Variants in AASS observed in about 807,000 individuals in gnomAD.
The protein encoded by AASS is alpha-aminoadipic semialdehyde synthase, mitochondrial.
In AASS, 86 loss-of-function variants were observed where a neutral mutation model predicts 105.4. The observed-to-expected ratio is 0.82, with a 90% CI of 0.69 to 0.98. AASS has a LOEUF of 0.98. Among genes scored for constraint, AASS ranks in the 50% least tolerant of loss-of-function variants. AASS has a pLI of 0.00. For missense variants in AASS, 1,048 were observed against 1,143.2 expected (o/e 0.92, Z 1.20); for synonymous variants, 381 against 394.8 (o/e 0.96, Z 0.41).
intron 17 of AASS, among the ~76,000 whole-genome samples, chr7:122,092,238 T>A: frequency 6.6e-6 from 1 of 151,946 alleles, no homozygotes; most frequent in East Asian, 1.9e-4. Context: ...CACCCAATAG[T>A]ACCTCGCCAA....
intron 2 of AASS, among the ~76,000 whole-genome samples, chr7:122,132,078 T>A (rs1795942269): frequency 1.3e-5 from 2 of 152,200 alleles, no homozygotes; most frequent in South Asian, 4.1e-4. Context: ...CAGTTCACTG[T>A]AATAAAACAG....
rs575579841 is a variant in AASS, at chr7:122,086,158, T to C, written c.2038A>G (p.Ile680Val). 11 of 1,613,304 alleles carry C rather than the reference T, an allele frequency of 6.8e-6. No homozygotes were observed. The highest frequency in any genetic ancestry group is 9.3e-6 in the Non-Finnish European group (11 of 1,179,752). ...DGKVVNVAGG[I>V]SFLDAVTSMD... Reference sequence around the variant, plus strand: ...GACGTAACGGCATCAAGAAAGGAGATGCCTCCTGCAACATTCACAACCTGA... The same window carrying C: ...GACGTAACGGCATCAAGAAAGGAGACGCCTCCTGCAACATTCACAACCTGA... Residue 680 changes from isoleucine (I) to valine (V), a missense_variant, in exon 19 of 24, where the codon ATC becomes GTC. Transcript: ENST00000417368.
In AASS at chr7:122,098,557, T is replaced by C; in HGVS notation, c.1548A>G (p.Gln516=). 6.2e-7 allele frequency: 1 copy of C among 1,609,646 alleles called. No individual in the cohort carries two copies. Among genetic ancestry groups the C allele is most frequent in the South Asian group, 1.1e-5 (1 of 90,920 alleles). ...EITVGSDMKN[Q]IEQLGKKYNI... ...TATATTTCTTGCCTAACTGTTCAAT[T>C]TGATTCTTCATGTCAGATCCTATTT... Residue 516 remains glutamine (Q), a synonymous_variant, in exon 15 of 24, where the codon CAA becomes CAG. Coordinates refer to ENST00000417368, the MANE Select transcript of AASS (RefSeq NM_005763.4).
chr7:122,114,125 G>A (rs991193482), intron 9 of AASS, among the ~76,000 whole-genome samples: 8 of 152,128 alleles, frequency 5.3e-5, no homozygotes, highest in Middle Eastern at 3.4e-3. Context: ...CTAGAATTAC[G>A]AACAAAAGTT....
rs548877455 is a variant in AASS, at chr7:122,134,701, G to A, written c.-15-960C>T. The stretch of plus-strand genomic sequence containing the variant: ...ACCTGTGTAAACTAGTTCAACCATT[G>A]TGGAAGACAATGTGGCGATTCCTCA... On this transcript the variant is annotated intron_variant, in intron 1 of 23. Coordinates refer to ENST00000417368, the MANE Select transcript of AASS (RefSeq NM_005763.4). Among the ~76,000 whole-genome samples, 62 of 152,290 alleles carry A rather than the reference G, an allele frequency of 4.1e-4. 2 individuals carry two copies. In the South Asian group the frequency reaches 0.013, roughly 32 times the overall value.
At chr7:122,117,281 G>A (rs1795226153) in intron 6 of AASS, among the ~76,000 whole-genome samples, 1 of 152,100 alleles carries the variant, frequency 6.6e-6, no homozygotes, top group South Asian at 2.1e-4. Context: ...TATTTCAAAT[G>A]GGGAAATTAT....
chr7:122,099,082 A>G (rs1794310694), intron 13 of AASS, among the ~76,000 whole-genome samples: 1 of 151,870 alleles, frequency 6.6e-6, no homozygotes, highest in African/African-American at 2.4e-5. Flanking sequence ...AATGAAGAAC[A>G]ATAGACCTGA....
At chr7:122,129,004 G>T (rs1795787207) in intron 3 of AASS, among the ~76,000 whole-genome samples, 1 of 152,162 alleles carries the variant, frequency 6.6e-6, no homozygotes, top group Non-Finnish European at 1.5e-5. Flanking sequence ...CCTGAACCTG[G>T]GAGGCGGAGG....
In AASS at chr7:122,137,058, C is replaced by T. The variant is rs1414053112; in HGVS notation, c.-15-3317G>A. Among the ~76,000 whole-genome samples the T allele has an allele frequency of 2.0e-5, 3 of 152,196 alleles. No individual in the cohort carries two copies. The East Asian group carries it at 5.8e-4, about 29-fold the overall frequency. On this transcript the variant is annotated intron_variant, in intron 1 of 23. Coordinates refer to ENST00000417368, the MANE Select transcript of AASS (RefSeq NM_005763.4). Reference sequence around the variant, plus strand: ...ATTTGGGAAGCTACTTTCACTTTCACTTTTTGCATGGAAGGCTTAAATAAT... The same window carrying T: ...ATTTGGGAAGCTACTTTCACTTTCATTTTTTGCATGGAAGGCTTAAATAAT...
At position 122,136,675 on chromosome 7, in the gene AASS, C is replaced by A. The variant is rs546435225; in HGVS notation, c.-15-2934G>T. Among the ~76,000 whole-genome samples, 5 of 152,248 alleles carry A rather than the reference C, an allele frequency of 3.3e-5. 1 individual carries two copies. Among genetic ancestry groups the A allele is most frequent in the African/African-American group, 1.2e-4 (5 of 41,544 alleles). ...TGAACATACACAAATGTCCAGAAAC[C>A]ATCCCATCTTCCCAGCAGGGGCTGT... On this transcript the variant is annotated intron_variant, in intron 1 of 23. Transcript: ENST00000417368.
chr7:122,111,912 A>G (rs1423823884), intron 11 of AASS, among the ~76,000 whole-genome samples: 1 of 152,206 alleles, frequency 6.6e-6, no homozygotes, highest in Non-Finnish European at 1.5e-5. Context: ...TCAAAAAAAT[A>G]AAATAAAATA....
At chr7:122,111,068 T>C (rs1195789043) in intron 11 of AASS, among the ~76,000 whole-genome samples, 2 of 152,140 alleles carry the variant, frequency 1.3e-5, no homozygotes, top group Non-Finnish European at 2.9e-5. Flanking sequence ...ATTCAGTCTA[T>C]GAAAACCAGA....
chr7:122,128,543 C>T (rs1439757779), intron 3 of AASS, among the ~76,000 whole-genome samples: 1 of 152,122 alleles, frequency 6.6e-6, no homozygotes, highest in South Asian at 2.1e-4. Flanking sequence ...CACATATTCC[C>T]AAGTGGATAT....
intron 1 of AASS, 64 bp from the exon 2 acceptor site, chr7:122,133,805 C>G (rs1796021442): frequency 1.4e-6 from 2 of 1,392,362 alleles, no homozygotes; most frequent in African/African-American, 1.4e-5. Context: ...CAGTTCTGGT[C>G]TCCTGAGAAA....
At chr7:122,101,316 T>C (rs1794421337) in intron 13 of AASS, 55 bp downstream of exon 13, 7 of 1,387,072 alleles carry the variant, frequency 5.0e-6, no homozygotes, top group Admixed American at 3.4e-5. Flanking sequence ...AAAATACTCA[T>C]GAATTCCAAG....
At chr7:122,122,581 C>T (rs1795488710) in intron 4 of AASS, among the ~76,000 whole-genome samples, 1 of 152,128 alleles carries the variant, frequency 6.6e-6, no homozygotes, top group Non-Finnish European at 1.5e-5. Context: ...TGGAGATAAT[C>T]AACAACGGAA....
chr7:122,096,722 C>A (rs1202252071), intron 15 of AASS, among the ~76,000 whole-genome samples: 4 of 151,928 alleles, frequency 2.6e-5, no homozygotes, highest in African/African-American at 7.3e-5. Context: ...AATGAGAAAA[C>A]ATTAAATATA....
At chr7:122,079,404 T>G in intron 21 of AASS, 193 bp downstream of exon 21, 1 of 1,298,608 alleles carries the variant, frequency 7.7e-7, no homozygotes, top group Non-Finnish European at 1.0e-6. Context: ...TTTCTCAAAT[T>G]CTAATTGCCA....
intron 15 of AASS, 122 bp from the exon 16 acceptor site, chr7:122,093,280 G>A: frequency 1.3e-6 from 1 of 777,940 alleles, no homozygotes; most frequent in Non-Finnish European, 2.2e-6. Context: ...TCTCAGAAAA[G>A]GGAACACTTA....
Sources: allele counts gnomAD v4.1 joint callset (sites outside exome capture counted in the v4.1 genomes callset), GRCh38; gene constraint gnomAD v4.1.1; transcripts MANE v1.5; gene names NCBI Gene and HGNC (gene_info 2026-07-23, HGNC 2026-07-21).